VPS9D1: variants seen among roughly 807,000 people sequenced by gnomAD.
The protein encoded by VPS9D1 is VPS9 domain containing 1.
Under a neutral mutation model 75.8 loss-of-function variants are expected in VPS9D1, and 78 were observed. The observed-to-expected ratio is 1.03, with a 90% CI of 0.86 to 1.24. VPS9D1 has a LOEUF of 1.24. Ranked by LOEUF, VPS9D1 falls within the 50% of genes most tolerant of loss-of-function variation. The pLI is 0.00. For missense variants in VPS9D1, 1,057 were observed against 847.7 expected, an observed-to-expected ratio of 1.25 and a Z score of -3.07; for synonymous variants, 481 against 385.6, an observed-to-expected ratio of 1.25 and a Z score of -2.90.
intron 13 of VPS9D1, 89 bp from the exon 14 acceptor site, chr16:89,708,620 G>A: frequency 7.2e-7 from 1 of 1,388,212 alleles, no homozygotes; most frequent in Non-Finnish European, 9.9e-7. Flanking sequence ...TGGCCGTGCT[G>A]GCCGCCATCT....
chr16:89,712,705 G>T lies in VPS9D1; in HGVS notation c.443C>A (p.Pro148Gln), dbSNP rs1025391215. Residue 148 changes from proline to glutamine, a missense_variant, in exon 5 of 15, where the codon CCA becomes CAA. Transcript: ENST00000389386. ...ATTCTGCAGGGAGGCCTCCTCCAGTGGCGTCAGCTCTCTGGAAATGTGACA... is the reference window on the plus strand; with the variant it reads ...ATTCTGCAGGGAGGCCTCCTCCAGTTGCGTCAGCTCTCTGGAAATGTGACA... ...ESQSCKKELT[P>Q]LEEASLQNQK... is the part of the protein sequence containing the mutation. 1.2e-6 allele frequency: 2 copies of T among 1,604,858 alleles called. No homozygotes were observed. The highest frequency in any genetic ancestry group is 1.3e-5 in the African/African-American group (1 of 74,320).
At chr16:89,708,572 C>A (rs775380165) in intron 13 of VPS9D1, 41 bp from the exon 14 acceptor site, 4 of 1,578,786 alleles carry the variant, frequency 2.5e-6, no homozygotes, top group South Asian at 1.1e-5. Context: ...GGGCCAGGAG[C>A]CTCTCACTCC....
intron 4 of VPS9D1, among the ~76,000 whole-genome samples, chr16:89,713,908 A>G (rs1360766582): frequency 1.3e-5 from 2 of 151,472 alleles, no homozygotes; most frequent in Admixed American, 6.6e-5. Flanking sequence ...GGTGATAGAG[A>G]CTCTGTCTCA....
rs894560786 is a variant in VPS9D1, at chr16:89,709,025, G to A, written c.1598-69C>T. The A allele has an allele frequency of 7.9e-6, 5 of 631,390 alleles. No homozygotes were observed. The highest frequency in any genetic ancestry group is 8.1e-5 in the Admixed American group (1 of 12,332). 39.1% of individuals were successfully genotyped at this position (631,390 alleles called of 1,614,324 possible). A position where few individuals can be genotyped will look rare whatever the true frequency, so the allele number is the denominator to read the frequency against. ...CAGCCTGAGCCACCCCTTATACCCC[G>A]CCCACCCACCCACCTCCTGATGTGC... is the stretch of plus-strand genomic sequence containing the variant. On this transcript the variant is annotated intron_variant, in intron 12 of 14. Transcript: ENST00000389386.
chr16:89,710,714 T>A lies in VPS9D1; in HGVS notation c.1130A>T (p.Asp377Val). 6.2e-7 allele frequency: 1 copy of A among 1,603,862 alleles called. No homozygotes were observed. ...GDTASGLPDK[D>V]SSFEDLEQFL... The stretch of plus-strand genomic sequence containing the variant: ...CTGCTCCAGGTCCTCGAACGAGCTG[T>A]CCTTGTCTGGCAATCCAGATGCGGT... Residue 377 changes from aspartate (D) to valine (V), a missense_variant, in exon 10 of 15, where the codon GAC (aspartate) becomes GTC (valine). By Grantham distance (152) the Asp-to-Val change is radical. Transcript: ENST00000389386.
intron 10 of VPS9D1, 25 bp from the exon 11 acceptor site, chr16:89,709,931 T>C (rs1174170639): frequency 6.3e-7 from 1 of 1,578,476 alleles, no homozygotes; most frequent in Non-Finnish European, 8.6e-7. Context: ...GCCGGGGACG[T>C]CCACAGAGGC....
intron 8 of VPS9D1, 63 bp downstream of exon 8, chr16:89,711,819 G>T (rs1044590804): frequency 1.3e-6 from 2 of 1,500,918 alleles, no homozygotes; most frequent in African/African-American, 1.4e-5. Context: ...CCACCCAGGC[G>T]GCTCTGACCC....
Position 89,711,699 on chromosome 16 carries a change from C to T in VPS9D1, c.747+183G>A. On this transcript the variant is annotated intron_variant, in intron 8 of 14. Transcript: ENST00000389386. ...CCCCTGACCTCGCCTCCTCGCTCTG[C>T]CCCGCCCCACGCAGCCCTGGCCCCG... 9 of 794,220 alleles carry T rather than the reference C, an allele frequency of 1.1e-5. No homozygotes were observed. The South Asian group carries it at 1.5e-4, about 13-fold the overall frequency. The allele number at this position is 794,220 out of a possible 1,614,324, so 49.2% of individuals were successfully genotyped here.
At chr16:89,720,693 G>A in intron 1 of VPS9D1, 70 bp downstream of exon 1, 5 of 1,313,702 alleles carry the variant, frequency 3.8e-6, no homozygotes, top group South Asian at 2.0e-5. Flanking sequence ...CCCCGTCCTC[G>A]CCCTCCCCGG....
At chr16:89,715,693 G>T (rs1212635680) in intron 4 of VPS9D1, among the ~76,000 whole-genome samples, 1 of 150,148 alleles carries the variant, frequency 6.7e-6, no homozygotes, top group Non-Finnish European at 1.5e-5. Context: ...AATTTTTTTT[G>T]AGACGGAGTT....
At chr16:89,709,093 A>T (rs988464449) in intron 12 of VPS9D1, 134 bp downstream of exon 12, 1 of 1,280,562 alleles carries the variant, frequency 7.8e-7, no homozygotes, top group Non-Finnish European at 1.0e-6. Flanking sequence ...TGTTGCTCAG[A>T]CACCACTTTT....
intron 13 of VPS9D1, 82 bp downstream of exon 13, chr16:89,708,775 G>A (rs2060847300): frequency 1.5e-6 from 2 of 1,375,488 alleles, no homozygotes; most frequent in Non-Finnish European, 2.0e-6. Context: ...AAGGCTAAGG[G>A]GCAGGAAGAT....
At chr16:89,717,379 C>T (rs1597929748) in intron 2 of VPS9D1, 5 of 360,454 alleles carry the variant, frequency 1.4e-5, no homozygotes, top group East Asian at 7.4e-5. Context: ...GAGACAAGGA[C>T]GTGCTGAGGG....
chr16:89,710,049 G>T, intron 10 of VPS9D1, 143 bp from the exon 11 acceptor site: 1 of 1,193,404 alleles, frequency 8.4e-7, no homozygotes. Context: ...ACCCTCCTCG[G>T]CCCAGGGCAG....
rs961722966 is a variant in VPS9D1, at chr16:89,707,896, C to G, written c.1861G>C (p.Val621Leu). 6.2e-7 allele frequency: 1 copy of G among 1,613,176 alleles called. No individual in the cohort carries two copies. ...AGGCCTCCCCGGGGCAGCAGCTCCA[C>G]GTAGCTCAGGGCACTCTGCAGTGAT... is the stretch of plus-strand genomic sequence containing the variant. ...LTSLQSALSYVELLPRGGLAK is the reference protein window; with the variant it reads ...LTSLQSALSYLELLPRGGLAK The change falls in exon 15 of 15, where the codon GTG becomes CTG. Residue 621 changes from valine to leucine, a missense_variant. Coordinates refer to ENST00000389386, the MANE Select transcript of VPS9D1 (RefSeq NM_004913.3).
In VPS9D1 at chr16:89,707,832, C is replaced by A. The variant is rs747141617; in HGVS notation, c.*29G>T. 7.5e-6 allele frequency: 12 copies of A among 1,608,766 alleles called. No individual in the cohort carries two copies. In the South Asian group the frequency reaches 1.2e-4, roughly 16 times the overall value. ...GACAGCCCTGGGAGGCGAGGCCAGG[C>A]CCTGCAGGGACCCTGGGCTCTAGCT... On this transcript the variant is annotated 3_prime_UTR_variant, in exon 15 of 15. Coordinates refer to ENST00000389386, the MANE Select transcript of VPS9D1 (RefSeq NM_004913.3).
In VPS9D1 at chr16:89,720,790, G is replaced by C; in HGVS notation, c.72C>G (p.Ile24Met). ...QSAMKLANGA[I>M]ELDTGNRPRE... Reference sequence around the variant, plus strand: ...GGGGCCGGTTGCCGGTGTCCAGCTCGATGGCCCCGTTGGCAAGCTTCATGG... The same window carrying C: ...GGGGCCGGTTGCCGGTGTCCAGCTCCATGGCCCCGTTGGCAAGCTTCATGG... The change falls in exon 1 of 15, where the codon ATC becomes ATG. Residue 24 changes from isoleucine (I) to methionine (M), a missense_variant. Coordinates refer to ENST00000389386, the MANE Select transcript of VPS9D1 (RefSeq NM_004913.3). The C allele has an allele frequency of 6.9e-7, 1 of 1,459,782 alleles. No individual in the cohort carries two copies. The highest frequency in any genetic ancestry group is 9.1e-7 in the Non-Finnish European group (1 of 1,102,648). The allele number at this position is 1,459,782 out of a possible 1,614,324, so 90.4% of individuals were successfully genotyped here. A position where few individuals can be genotyped will look rare whatever the true frequency, so the allele number is the denominator to read the frequency against.
At chr16:89,720,183 C>A (rs1244506590) in intron 1 of VPS9D1, among the ~76,000 whole-genome samples, 1 of 152,222 alleles carries the variant, frequency 6.6e-6, no homozygotes, top group Non-Finnish European at 1.5e-5. Context: ...AGGAACGAGG[C>A]TTCTCCTAGG....
intron 6 of VPS9D1, 159 bp downstream of exon 6, chr16:89,712,301 G>T: frequency 1.5e-6 from 2 of 1,336,966 alleles, no homozygotes; most frequent in Non-Finnish European, 1.0e-6. Flanking sequence ...CGGCGGCCGG[G>T]CCTTCCCCTG....
Sources: allele counts gnomAD v4.1 joint callset (sites outside exome capture counted in the v4.1 genomes callset), GRCh38; gene constraint gnomAD v4.1.1; transcripts MANE v1.5; gene names NCBI Gene and HGNC (gene_info 2026-07-23, HGNC 2026-07-21).